Variants in BTNL3 observed in about 807,000 individuals in gnomAD.
The protein encoded by BTNL3 is butyrophilin-like protein 3.
Under a neutral mutation model 40.1 loss-of-function variants are expected in BTNL3, and 20 were observed. The ratio of observed to expected loss-of-function variants is 0.50; its 90% CI spans 0.35 to 0.72. BTNL3 has a LOEUF of 0.72. Ranked by LOEUF, BTNL3 falls within the 30% of genes least tolerant of loss-of-function variation. The pLI, the probability that BTNL3 is intolerant of heterozygous loss-of-function variation, is 0.01. For synonymous variants in BTNL3, 179 were observed against 222.1 expected (o/e 0.81, Z 1.73); for missense variants, 449 against 582.2 (o/e 0.77, Z 2.35).
At chr5:180,998,661 C>T (rs1027195737) in intron 3 of BTNL3, among the ~76,000 whole-genome samples, 2 of 136,532 alleles carry the variant, frequency 1.5e-5, no homozygotes, top group Non-Finnish European at 3.3e-5. Context: ...AGTCAAATGA[C>T]CACAGCAAAA....
In BTNL3 at chr5:180,997,270, T is replaced by C; in HGVS notation, c.455T>C (p.Leu152Ser). ...IVGYVDGGIQ[L>S]LCLSSGWFPQ... ...GGATATGTTGACGGAGGTATCCAGT[T>C]ACTCTGCCTGTCCTCAGGCTGGTTC... Residue 152 changes from leucine to serine, a missense_variant, in exon 3 of 8, where the codon TTA (leucine) becomes TCA (serine). Transcript: ENST00000342868. 3 of 1,464,752 alleles carry C rather than the reference T, an allele frequency of 2.0e-6. No individual in the cohort carries two copies. The highest frequency in any genetic ancestry group is 2.2e-5 in the South Asian group (2 of 89,306). 90.7% of individuals were successfully genotyped at this position (1,464,752 alleles called of 1,614,324 possible).
chr5:181,005,225 G>A (rs1582091162), intron 7 of BTNL3, 109 bp from the exon 8 acceptor site: 20 of 1,561,840 alleles, frequency 1.3e-5, no homozygotes, highest in Middle Eastern at 2.4e-4. Flanking sequence ...TAGTGGGACT[G>A]GCCGGATCCT....
rs200903601 is a variant in BTNL3, at chr5:180,994,782, AT to A, written c.397+1638del. On this transcript the variant is annotated intron_variant, in intron 2 of 7. Coordinates refer to ENST00000342868, the MANE Select transcript of BTNL3 (RefSeq NM_197975.3). ...CATTGTTGTATCCTGGAGTTCAATA[AT>A]TTTTTTTTTTTTTTTATGAGATGGA... 3.2e-3 allele frequency among the ~76,000 whole-genome samples: 389 copies of A among 120,470 alleles called. 18 individuals are homozygous for A. The highest frequency in any genetic ancestry group is 8.0e-3 in the Middle Eastern group (2 of 250). 79.0% of individuals were successfully genotyped at this position (120,470 alleles called of 152,430 possible).
rs950443373 is a variant in BTNL3 at position 181,001,078 on chromosome 5, C to T, written c.674-1594C>T. Among the ~76,000 whole-genome samples the T allele has an allele frequency of 5.9e-5, 8 of 135,916 alleles. 2 individuals are homozygous for T. Among genetic ancestry groups the T allele is most frequent in the Non-Finnish European group, 1.2e-4 (7 of 59,520 alleles). The allele number at this position is 135,916 out of a possible 152,430, so 89.2% of individuals were successfully genotyped here. On this transcript the variant is annotated intron_variant, in intron 3 of 7. Transcript: ENST00000342868. ...TCTTTCAACTCATAAAGGAATCCATCGTGTTCATGAAAAATGAGAGGAATA... is the reference window on the plus strand; with the variant it reads ...TCTTTCAACTCATAAAGGAATCCATTGTGTTCATGAAAAATGAGAGGAATA...
At chr5:180,996,071 G>A (rs767970283) in intron 2 of BTNL3, among the ~76,000 whole-genome samples, 1 of 136,106 alleles carries the variant, frequency 7.3e-6, no homozygotes, top group Non-Finnish European at 1.7e-5. Flanking sequence ...CAGACCCTAG[G>A]GAATGACAGA....
chr5:180,997,398 A>G lies in BTNL3; in HGVS notation c.583A>G (p.Ile195Val). Residue 195 changes from isoleucine to valine, a missense_variant, in exon 3 of 8, where the codon ATT becomes GTT. Physicochemically the swap from Ile to Val is conservative, Grantham distance 29 (BLOSUM62 3). This residue lies in a region of BTNL3 where 323 missense variants were observed against 464.9 expected (regional missense o/e 0.69). Coordinates refer to ENST00000342868, the MANE Select transcript of BTNL3 (RefSeq NM_197975.3). ...CAGCCTGTATGATGTGGAGATCTCC[A>G]TTATAGTCCAGGAAAATGCTGGGAG... ...GYSLYDVEIS[I>V]IVQENAGSIL... The G allele has an allele frequency of 2.1e-6, 3 of 1,460,766 alleles. 1 individual carries two copies. The highest frequency in any genetic ancestry group is 1.9e-5 in the Admixed American group (1 of 53,004). 90.5% of individuals were successfully genotyped at this position (1,460,766 alleles called of 1,614,324 possible).
At chr5:180,995,062 C>T (rs1374276134) in intron 2 of BTNL3, among the ~76,000 whole-genome samples, 1 of 136,944 alleles carries the variant, frequency 7.3e-6, no homozygotes, top group African/African-American at 2.5e-5. Context: ...GCTGGGATTA[C>T]AGGCCTGAGC....
rs1760000509 is a variant in BTNL3 at position 180,993,580 on chromosome 5, T to C, written c.397+420T>C. The stretch of plus-strand genomic sequence containing the variant: ...CATTTTGTAGTGTTTTCTTAGGTGC[T>C]GCTTTAGGTGTTATGATATTCATAT... On this transcript the variant is annotated intron_variant, in intron 2 of 7. Coordinates refer to ENST00000342868, the MANE Select transcript of BTNL3 (RefSeq NM_197975.3). Among the ~76,000 whole-genome samples the C allele has an allele frequency of 1.5e-5, 2 of 136,796 alleles. 1 individual carries two copies. 89.7% of individuals were successfully genotyped at this position (136,796 alleles called of 152,430 possible). A position where few individuals can be genotyped will look rare whatever the true frequency, so the allele number is the denominator to read the frequency against.
Position 180,989,678 on chromosome 5 carries a change from C to G in BTNL3, c.49+601C>G, listed in dbSNP as rs1488797558. On this transcript the variant is annotated intron_variant, in intron 1 of 7. Coordinates refer to ENST00000342868, the MANE Select transcript of BTNL3 (RefSeq NM_197975.3). ...CCTGGTGTATAGGATATTCAGTAAT[C>G]AAATAAATTTTGCAGGGAGAGATAG... Among the ~76,000 whole-genome samples the G allele has an allele frequency of 5.9e-5, 8 of 134,922 alleles. 2 individuals carry two copies. Among genetic ancestry groups the G allele is most frequent in the Non-Finnish European group, 1.0e-4 (6 of 59,002 alleles). 88.5% of individuals were successfully genotyped at this position (134,922 alleles called of 152,430 possible). A position where few individuals can be genotyped will look rare whatever the true frequency, so the allele number is the denominator to read the frequency against.
intron 3 of BTNL3, among the ~76,000 whole-genome samples, chr5:181,000,046 CA>C (rs1435188099): frequency 7.4e-6 from 1 of 135,634 alleles, no homozygotes; most frequent in Non-Finnish European, 1.7e-5. Flanking sequence ...TTTATTGAGT[CA>C]ACATAATTTT....
rs1332926993 is a variant in BTNL3, at chr5:180,995,487, A to G, written c.398-1726A>G. On this transcript the variant is annotated intron_variant, in intron 2 of 7. Transcript: ENST00000342868. ...TTTGGTGGTTGTGGCTCCAAATACA[A>G]TTTAATTTTCAGAGACTTTACTGTG... Among the ~76,000 whole-genome samples, 2 of 136,788 alleles carry G rather than the reference A, an allele frequency of 1.5e-5. 1 individual carries two copies. The highest frequency in any genetic ancestry group is 5.0e-5 in the African/African-American group (2 of 39,786). 89.7% of individuals were successfully genotyped at this position (136,788 alleles called of 152,430 possible). A position where few individuals can be genotyped will look rare whatever the true frequency, so the allele number is the denominator to read the frequency against.
Position 180,998,486 on chromosome 5 carries a change from C to A in BTNL3, c.673+998C>A, listed in dbSNP as rs553049479. Reference sequence around the variant, plus strand: ...CTAAAAATTAATAAGTCTGAAATAACGTATTTTTGGAGATGGCACTCCAGG... The same window carrying A: ...CTAAAAATTAATAAGTCTGAAATAAAGTATTTTTGGAGATGGCACTCCAGG... On this transcript the variant is annotated intron_variant, in intron 3 of 7. Transcript: ENST00000342868. Among the ~76,000 whole-genome samples the A allele has an allele frequency of 5.1e-5, 7 of 136,330 alleles. 2 individuals are homozygous for A. Among genetic ancestry groups the A allele is most frequent in the Non-Finnish European group, 1.0e-4 (6 of 59,732 alleles). 89.4% of individuals were successfully genotyped at this position (136,330 alleles called of 152,430 possible).
intron 1 of BTNL3, among the ~76,000 whole-genome samples, chr5:180,991,342 C>A (rs1362056989): frequency 7.3e-6 from 1 of 137,774 alleles, no homozygotes; most frequent in Admixed American, 7.6e-5. Context: ...ATGGGATCCA[C>A]TTTGCCTCTG....
intron 1 of BTNL3, 80 bp downstream of exon 1, chr5:180,989,157 CA>C: frequency 1.5e-6 from 2 of 1,304,966 alleles, no homozygotes; most frequent in Non-Finnish European, 2.1e-6. Flanking sequence ...GATCTCAGCA[CA>C]GTGAGATGCA....
intron 1 of BTNL3, among the ~76,000 whole-genome samples, chr5:180,991,740 T>C (rs1759974180): frequency 7.3e-6 from 1 of 136,306 alleles, no homozygotes; most frequent in Non-Finnish European, 1.7e-5. Flanking sequence ...CAAACAGTTA[T>C]GTCACTTGCA....
Position 181,005,395 on chromosome 5 carries a change from T to C in BTNL3, c.924T>C (p.Thr308=), listed in dbSNP as rs376471606. The C allele has an allele frequency of 9.3e-6, 15 of 1,613,760 alleles. No individual in the cohort carries two copies. The highest frequency in any genetic ancestry group is 1.7e-4 in the Middle Eastern group (1 of 6,016). The change falls in exon 8 of 8, where the codon ACT becomes ACC. Residue 308 remains threonine (T), a synonymous_variant. Coordinates refer to ENST00000342868, the MANE Select transcript of BTNL3 (RefSeq NM_197975.3). The part of the protein sequence containing the change: ...HPKLCVSDLK[T]VTHRKAPQEV... ...AGCTCTGCGTTTCTGATCTGAAAAC[T>C]GTAACCCATAGAAAAGCTCCCCAGG...
At chr5:180,994,056 G>A (rs1370052206) in intron 2 of BTNL3, among the ~76,000 whole-genome samples, 1 of 136,804 alleles carries the variant, frequency 7.3e-6, no homozygotes, top group Non-Finnish European at 1.7e-5. Context: ...CCCTGCCTTG[G>A]GCTCCCAAAA....
chr5:180,998,602 T>A (rs1760064312), intron 3 of BTNL3, among the ~76,000 whole-genome samples: 1 of 137,102 alleles, frequency 7.3e-6, no homozygotes, highest in Admixed American at 7.7e-5. Flanking sequence ...AAGAAAATTT[T>A]CAGACATAGA....
Position 181,005,365 on chromosome 5 carries a change from C to T in BTNL3, c.894C>T (p.His298=), listed in dbSNP as rs753496710. The part of the protein sequence containing the change: ...VEVTLDPETA[H]PKLCVSDLKT... ...TGACTCTGGATCCAGAGACGGCTCACCCGAAGCTCTGCGTTTCTGATCTGA... is the reference window on the plus strand; with the variant it reads ...TGACTCTGGATCCAGAGACGGCTCATCCGAAGCTCTGCGTTTCTGATCTGA... Residue 298 remains histidine (H), a synonymous_variant, in exon 8 of 8, where the codon CAC becomes CAT. Coordinates refer to ENST00000342868, the MANE Select transcript of BTNL3 (RefSeq NM_197975.3). 2 of 1,612,598 alleles carry T rather than the reference C, an allele frequency of 1.2e-6. No individual in the cohort carries two copies. Among genetic ancestry groups the T allele is most frequent in the South Asian group, 1.1e-5 (1 of 91,030 alleles).
Sources: allele counts gnomAD v4.1 joint callset (sites outside exome capture counted in the v4.1 genomes callset), GRCh38; gene constraint gnomAD v4.1.1; regional missense constraint gnomAD v4.1.1; transcripts MANE v1.5; gene names NCBI Gene and HGNC (gene_info 2026-07-23, HGNC 2026-07-21).